Variants in MAN2A1 observed in about 807,000 individuals in gnomAD.
MAN2A1 encodes the protein alpha-mannosidase 2.
A neutral mutation model predicts 142.6 loss-of-function variants in MAN2A1; 76 were observed. The observed-to-expected ratio is 0.53, with a 90% confidence interval of 0.44 to 0.65. The LOEUF is 0.65. MAN2A1 is among the 30% of genes least tolerant of loss of function. The probability of loss-of-function intolerance (pLI) is 0.00; values close to 1 mark genes in which losing one functional copy is unlikely to be tolerated. For synonymous variants in MAN2A1, 559 were observed against 473.2 expected (o/e 1.18, Z -2.35); for missense variants, 1,311 against 1,365.1 (o/e 0.96, Z 0.62).
intron 4 of MAN2A1, among the ~76,000 whole-genome samples, chr5:109,748,449 C>G (rs1283472315): frequency 6.8e-6 from 1 of 147,346 alleles, no homozygotes; most frequent in African/African-American, 2.5e-5. Context: ...CAATTTTATG[C>G]TAATAGGAAC....
chr5:109,864,762 A>G (rs1755837804), intron 20 of MAN2A1: 2 of 382,406 alleles, frequency 5.2e-6, no homozygotes, highest in Non-Finnish European at 9.5e-6. Flanking sequence ...GACATAAGGA[A>G]ACCTAAGTCC....
intron 2 of MAN2A1, 77 bp downstream of exon 2, chr5:109,713,851 C>G: frequency 1.4e-6 from 2 of 1,388,134 alleles, no homozygotes; most frequent in South Asian, 1.4e-5. Flanking sequence ...GATGTCTGTT[C>G]TGACTTGGTA....
In MAN2A1 at chr5:109,719,034, G is replaced by A. The variant is rs368689905; in HGVS notation, c.535+2770G>A. On this transcript the variant is annotated intron_variant, in intron 3 of 21. Transcript: ENST00000261483. ...TTGTAATTTTATGTACTAAAAACAG[G>A]CAATAATAAGCTCTTTGAGGGCAGG... 3.4e-4 allele frequency among the ~76,000 whole-genome samples: 51 copies of A among 148,828 alleles called. 1 individual carries two copies. In the South Asian group the frequency reaches 7.3e-3, roughly 21 times the overall value.
chr5:109,865,096 C>T lies in MAN2A1; in HGVS notation c.3232C>T (p.Arg1078Trp), dbSNP rs745390158. ...LILHRKGFDC[R>W]FSSKGTGLFC... ...CCTCCACAGAAAAGGGTTTGATTGT[C>T]GGTTCTCTAGCAAAGGCACAGGGCT... Residue 1078 changes from arginine to tryptophan, a missense_variant, in exon 21 of 22, where the codon CGG becomes TGG. By Grantham distance (101) the Arg-to-Trp change is moderately radical (BLOSUM62 -3). This residue lies in a region of MAN2A1 where 890 missense variants were observed against 920.5 expected (regional missense o/e 0.97). Coordinates refer to ENST00000261483, the MANE Select transcript of MAN2A1 (RefSeq NM_002372.4). 17 of 1,613,848 alleles carry T rather than the reference C, an allele frequency of 1.1e-5. No individual in the cohort carries two copies. The highest frequency in any genetic ancestry group is 2.7e-5 in the African/African-American group (2 of 74,880).
intron 3 of MAN2A1, 50 bp downstream of exon 3, chr5:109,716,314 C>A: frequency 6.7e-7 from 1 of 1,500,416 alleles, no homozygotes; most frequent in Non-Finnish European, 9.0e-7. Context: ...TTCTTTAGGC[C>A]TAGAGTCTTT....
chr5:109,827,236 T>G (rs1438159198), intron 16 of MAN2A1, among the ~76,000 whole-genome samples: 7 of 152,212 alleles, frequency 4.6e-5, no homozygotes. Context: ...ATACAAAAGA[T>G]TTTGTAATCT....
intron 12 of MAN2A1, among the ~76,000 whole-genome samples, chr5:109,816,983 TGAAGTATTATGAAGGGTTTG>T (rs1326641881): frequency 2.0e-5 from 3 of 152,090 alleles, no homozygotes; most frequent in Admixed American, 1.3e-4. Flanking sequence ...GTCCATGAAC[TGAAGTATTATGAAGGGTTTG>T]GAAAAAATTA....
intron 21 of MAN2A1, among the ~76,000 whole-genome samples, chr5:109,866,275 A>G (rs1286087462): frequency 6.6e-6 from 1 of 152,158 alleles, no homozygotes; most frequent in Non-Finnish European, 1.5e-5. Context: ...AGAGAGACAG[A>G]TAACATGGCA....
intron 15 of MAN2A1, among the ~76,000 whole-genome samples, chr5:109,822,193 G>C (rs1233324144): frequency 6.9e-6 from 1 of 143,902 alleles, no homozygotes; most frequent in East Asian, 2.0e-4. Flanking sequence ...TTTTAAGTCA[G>C]TGAAGAATTA....
intron 4 of MAN2A1, among the ~76,000 whole-genome samples, chr5:109,747,777 A>G (rs971329286): frequency 1.3e-5 from 2 of 152,178 alleles, no homozygotes; most frequent in South Asian, 2.1e-4. Flanking sequence ...AATTGCACCA[A>G]GGAATCAAAG....
At chr5:109,762,078 A>G (rs1752858297) in intron 5 of MAN2A1, among the ~76,000 whole-genome samples, 1 of 152,176 alleles carries the variant, frequency 6.6e-6, no homozygotes, top group Non-Finnish European at 1.5e-5. Flanking sequence ...GATATATAAC[A>G]TTATAGCATT....
chr5:109,789,586 T>G, intron 12 of MAN2A1, 59 bp downstream of exon 12: 1 of 1,221,986 alleles, frequency 8.2e-7, no homozygotes, highest in Non-Finnish European at 1.1e-6. Flanking sequence ...TTTTTGGTTT[T>G]ATGGTTCTGG....
intron 20 of MAN2A1, among the ~76,000 whole-genome samples, chr5:109,859,027 A>G (rs1287488073): frequency 6.6e-6 from 1 of 152,206 alleles, no homozygotes. Context: ...TGAGATTCTG[A>G]TTCTATAGGG....
chr5:109,859,395 C>T (rs1207709169), intron 20 of MAN2A1, among the ~76,000 whole-genome samples: 10 of 152,032 alleles, frequency 6.6e-5, no homozygotes, highest in Admixed American at 5.2e-4. Context: ...GATTATATGC[C>T]GTATATTTGT....
At chr5:109,702,349 G>GTGTGTGTC (rs1434044122) in intron 1 of MAN2A1, among the ~76,000 whole-genome samples, 1 of 142,676 alleles carries the variant, frequency 7.0e-6, no homozygotes, top group African/African-American at 2.7e-5. Context: ...GTGTGTGTGT[G>GTGTGTGTC]TGTCTGTGTG....
intron 16 of MAN2A1, among the ~76,000 whole-genome samples, chr5:109,830,624 C>G (rs1303566388): frequency 3.3e-5 from 5 of 152,134 alleles, no homozygotes; most frequent in African/African-American, 4.8e-5. Context: ...CAATCAATCT[C>G]TCATTTTTTT....
intron 12 of MAN2A1, among the ~76,000 whole-genome samples, chr5:109,797,861 A>G (rs1174165369): frequency 1.3e-5 from 2 of 152,230 alleles, no homozygotes; most frequent in East Asian, 3.9e-4. Context: ...CAGGAAGACT[A>G]TGAAGTTTTG....
intron 4 of MAN2A1, among the ~76,000 whole-genome samples, chr5:109,753,992 T>C (rs1260230119): frequency 6.6e-6 from 1 of 150,560 alleles, no homozygotes; most frequent in Non-Finnish European, 1.5e-5. Flanking sequence ...CACTGCAGCC[T>C]CAAACTCACA....
At chr5:109,833,038 G>C (rs1326166824) in intron 16 of MAN2A1, among the ~76,000 whole-genome samples, 2 of 150,488 alleles carry the variant, frequency 1.3e-5, no homozygotes, top group Non-Finnish European at 3.0e-5. Context: ...AGATGGGGCG[G>C]CAGGGCAGAG....
Sources: gnomAD v4.1 joint callset for allele counts (sites outside exome capture counted in the v4.1 genomes callset) on GRCh38, gnomAD v4.1.1 for gene constraint, gnomAD v4.1.1 regional missense constraint, MANE v1.5 for transcripts, NCBI Gene and HGNC (gene_info 2026-07-23, HGNC 2026-07-21) for gene names.